PTPN14: variants seen among roughly 807,000 people sequenced by gnomAD.
PTPN14 encodes the protein protein tyrosine phosphatase non-receptor type 14, also known as tyrosine-protein phosphatase non-receptor type 14.
In PTPN14, 53 loss-of-function variants were observed where a neutral mutation model predicts 126.8. The ratio of observed to expected loss-of-function variants is 0.42; its 90% CI spans 0.34 to 0.53. The LOEUF (loss-of-function observed/expected upper bound fraction) is 0.53. PTPN14 is among the 20% of genes least tolerant of loss of function. PTPN14 has a pLI of 0.08. For synonymous variants in PTPN14, 630 were observed against 599.3 expected (o/e 1.05, Z -0.75); for missense variants, 1,257 against 1,552.9 (o/e 0.81, Z 3.20).
intron 3 of PTPN14, among the ~76,000 whole-genome samples, chr1:214,418,004 C>G (rs988409509): frequency 4.6e-5 from 7 of 152,206 alleles, no homozygotes; most frequent in South Asian, 2.1e-4. Flanking sequence ...GCCCTTGCCA[C>G]GGTTCCAAAT....
rs1350099243 is a variant in PTPN14, at chr1:214,352,300, T to C, written c.*5622A>G. ...GGCTTTGAGAAAGAAGATGCAGCTATATTAAGCTGAAAAGATAAGAAAGGT... is the reference window on the plus strand; with the variant it reads ...GGCTTTGAGAAAGAAGATGCAGCTACATTAAGCTGAAAAGATAAGAAAGGT... On this transcript the variant is annotated 3_prime_UTR_variant, in exon 19 of 19. Coordinates refer to ENST00000366956, the MANE Select transcript of PTPN14 (RefSeq NM_005401.5). 6.6e-6 allele frequency: 1 copy of C among 152,208 alleles called. No individual in the cohort carries two copies. Among genetic ancestry groups the C allele is most frequent in the Non-Finnish European group, 1.5e-5 (1 of 68,038 alleles). 9.4% of individuals were successfully genotyped at this position (152,208 alleles called of 1,614,324 possible). A position where few individuals can be genotyped will look rare whatever the true frequency, so the allele number is the denominator to read the frequency against.
chr1:214,393,654 G>A (rs750463489), intron 10 of PTPN14, 41 bp downstream of exon 10: 8 of 1,410,368 alleles, frequency 5.7e-6, no homozygotes, highest in Non-Finnish European at 9.8e-7. Context: ...AATTTAATCT[G>A]ACAAAGCCAT....
intron 1 of PTPN14, among the ~76,000 whole-genome samples, chr1:214,506,910 T>G (rs1654858356): frequency 8.7e-6 from 1 of 114,494 alleles, no homozygotes; most frequent in African/African-American, 4.3e-5. Flanking sequence ...AGAGCGCGGG[T>G]TTTTTTTTTT....
At chr1:214,491,447 G>A (rs74142721) in intron 1 of PTPN14, among the ~76,000 whole-genome samples, 5,663 of 152,206 alleles carry the variant, frequency 0.037, 318 homozygotes, top group African/African-American at 0.13. Flanking sequence ...ATGGGAGTGG[G>A]GAGCGATGGT....
At chr1:214,508,608 T>C (rs561441198) in intron 1 of PTPN14, among the ~76,000 whole-genome samples, 125 of 152,340 alleles carry the variant, frequency 8.2e-4, no homozygotes, top group African/African-American at 3.0e-3. Context: ...CCTGTTATTA[T>C]TATTTTAACC....
chr1:214,402,832 G>A, intron 6 of PTPN14, 51 bp downstream of exon 6: 1 of 1,586,412 alleles, frequency 6.3e-7, no homozygotes, highest in Non-Finnish European at 8.6e-7. Flanking sequence ...CTGCCCCATG[G>A]GCTGTAAACA....
intron 1 of PTPN14, among the ~76,000 whole-genome samples, chr1:214,477,262 C>T (rs1660887415): frequency 6.6e-6 from 1 of 152,160 alleles, no homozygotes; most frequent in Admixed American, 6.5e-5. Context: ...TGTATAATCC[C>T]AACTGATGTA....
At chr1:214,404,225 T>C (rs534331831) in intron 5 of PTPN14, among the ~76,000 whole-genome samples, 1 of 152,338 alleles carries the variant, frequency 6.6e-6, no homozygotes, top group South Asian at 2.1e-4. Flanking sequence ...GACATAAATG[T>C]ATGCTAAAAA....
chr1:214,525,244 C>A (rs769196693), intron 1 of PTPN14, among the ~76,000 whole-genome samples: 1 of 152,184 alleles, frequency 6.6e-6, no homozygotes, highest in Non-Finnish European at 1.5e-5. Flanking sequence ...AGCAAAACTT[C>A]GGCTAAATTC....
At chr1:214,402,660 A>AG (rs1297211803) in intron 6 of PTPN14, among the ~76,000 whole-genome samples, 992 of 27,220 alleles carry the variant, frequency 0.036, 73 homozygotes, top group African/African-American at 0.095. Context: ...GAAGGAAGGA[A>AG]GGAAGGAAGG....
At chr1:214,486,255 T>C (rs4233306) in intron 1 of PTPN14, among the ~76,000 whole-genome samples, 125,333 of 152,216 alleles carry the variant, frequency 0.82, 51,670 homozygotes, top group African/African-American at 0.89. Flanking sequence ...TCTCTCATAC[T>C]CATGTCATCA....
chr1:214,496,768 T>G (rs1001972900), intron 1 of PTPN14, among the ~76,000 whole-genome samples: 3 of 138,726 alleles, frequency 2.2e-5, no homozygotes, highest in African/African-American at 7.4e-5. Context: ...CAGTTTTAAC[T>G]TAATATCTAA....
chr1:214,365,357 G>C (rs2102511732), intron 17 of PTPN14, among the ~76,000 whole-genome samples: 1 of 152,254 alleles, frequency 6.6e-6, no homozygotes, highest in Middle Eastern at 3.4e-3. Flanking sequence ...GCTGTGCAGG[G>C]AGGGGTGCGT....
At chr1:214,518,493 T>C (rs34952927) in intron 1 of PTPN14, among the ~76,000 whole-genome samples, 39,510 of 152,138 alleles carry the variant, frequency 0.26, 5,969 homozygotes, top group East Asian at 0.52. Flanking sequence ...TATTATCCTC[T>C]ATTATCCACT....
intron 3 of PTPN14, among the ~76,000 whole-genome samples, chr1:214,425,221 G>C (rs554908872): frequency 2.0e-5 from 3 of 152,144 alleles, no homozygotes; most frequent in African/African-American, 7.2e-5. Flanking sequence ...TGCACAAAAA[G>C]CATTATGATC....
rs868858126 is a variant in PTPN14, at chr1:214,448,480, G to A, written c.344+3325C>T. 6.1e-4 allele frequency among the ~76,000 whole-genome samples: 92 copies of A among 150,212 alleles called. 1 individual carries two copies. The highest frequency in any genetic ancestry group is 1.3e-3 in the Admixed American group (20 of 14,976). ...AGGATGGTCTCGATCTCCTGACCTC[G>A]TGATCCGCCCGCCTCGGTCTCCCAA... is the stretch of plus-strand genomic sequence containing the variant. On this transcript the variant is annotated intron_variant, in intron 3 of 18. Coordinates refer to ENST00000366956, the MANE Select transcript of PTPN14 (RefSeq NM_005401.5).
chr1:214,450,318 A>G (rs1371865649), intron 3 of PTPN14, among the ~76,000 whole-genome samples: 1 of 151,516 alleles, frequency 6.6e-6, no homozygotes, highest in Non-Finnish European at 1.5e-5. Flanking sequence ...CCATAAATAC[A>G]AAAATTAGCC....
At chr1:214,496,624 AC>A (rs1654523344) in intron 1 of PTPN14, among the ~76,000 whole-genome samples, 1 of 152,196 alleles carries the variant, frequency 6.6e-6, no homozygotes, top group South Asian at 2.1e-4. Flanking sequence ...TTCTTTTTAA[AC>A]ACTCCTTACC....
intron 18 of PTPN14, among the ~76,000 whole-genome samples, chr1:214,359,596 TG>T (rs1657908877): frequency 6.6e-6 from 1 of 151,910 alleles, no homozygotes; most frequent in Non-Finnish European, 1.5e-5. Flanking sequence ...CATAACTCAT[TG>T]CAACATCAAC....
Sources: gnomAD v4.1 joint callset for allele counts (sites outside exome capture counted in the v4.1 genomes callset) on GRCh38, gnomAD v4.1.1 for gene constraint, MANE v1.5 for transcripts, NCBI Gene and HGNC (gene_info 2026-07-23, HGNC 2026-07-21) for gene names.